Variants in DNAI4 observed in about 807,000 individuals in gnomAD.
DNAI4 encodes the protein dynein axonemal intermediate chain 4.
A neutral mutation model predicts 105.8 loss-of-function variants in DNAI4; 85 were observed. The ratio of observed to expected loss-of-function variants is 0.80; its 90% confidence interval spans 0.67 to 0.96. The LOEUF (loss-of-function observed/expected upper bound fraction) is 0.96. DNAI4 is among the 40% of genes least tolerant of loss of function. The probability of loss-of-function intolerance (pLI) is 0.00; values close to 1 mark genes in which losing one functional copy is unlikely to be tolerated. For missense variants in DNAI4, 1,014 were observed against 1,005.6 expected, an observed-to-expected ratio of 1.01 and a Z score of -0.11; for synonymous variants, 352 against 331.5, an observed-to-expected ratio of 1.06 and a Z score of -0.67.
intron 4 of DNAI4, among the ~76,000 whole-genome samples, chr1:66,880,827 G>C (rs1368994515): frequency 6.6e-6 from 1 of 152,204 alleles, no homozygotes; most frequent in Non-Finnish European, 1.5e-5. Flanking sequence ...GAGCATGTCA[G>C]AGGTCTTCAT....
intron 15 of DNAI4, among the ~76,000 whole-genome samples, chr1:66,823,448 G>A (rs1451838995): frequency 2.0e-5 from 3 of 151,224 alleles, no homozygotes; most frequent in African/African-American, 7.3e-5. Context: ...TGGGTCAAAT[G>A]GTATTTCTAG....
chr1:66,902,908 G>GT (rs1233129619), intron 2 of DNAI4, among the ~76,000 whole-genome samples: 1 of 152,158 alleles, frequency 6.6e-6, no homozygotes, highest in African/African-American at 2.4e-5. Flanking sequence ...CCGTATGTTT[G>GT]TTTTTATTCC....
intron 2 of DNAI4, among the ~76,000 whole-genome samples, chr1:66,899,657 G>A (rs1648641708): frequency 6.6e-6 from 1 of 152,094 alleles, no homozygotes; most frequent in Non-Finnish European, 1.5e-5. Flanking sequence ...CCAAATCCAA[G>A]GTCTTACCCC....
intron 4 of DNAI4, among the ~76,000 whole-genome samples, chr1:66,889,780 A>G (rs1228242600): frequency 2.0e-5 from 3 of 152,158 alleles, no homozygotes; most frequent in Non-Finnish European, 4.4e-5. Context: ...CTTCATTTTC[A>G]TAATCCCTTC....
intron 2 of DNAI4, among the ~76,000 whole-genome samples, chr1:66,899,209 T>C (rs1648595062): frequency 6.6e-6 from 1 of 152,226 alleles, no homozygotes; most frequent in Non-Finnish European, 1.5e-5. Context: ...GGCTAATTTA[T>C]ATTCCCACAA....
chr1:66,836,308 GAAAGAAAGAAA>G (rs1646022079), intron 10 of DNAI4, among the ~76,000 whole-genome samples: 1 of 149,580 alleles, frequency 6.7e-6, no homozygotes, highest in Non-Finnish European at 1.5e-5. Context: ...AAGAAAGAAA[GAAAGAAAGAAA>G]GAAAGAAGGA....
intron 2 of DNAI4, among the ~76,000 whole-genome samples, chr1:66,896,360 A>G (rs1648339517): frequency 6.6e-6 from 1 of 152,240 alleles, no homozygotes; most frequent in Admixed American, 6.5e-5. Context: ...TTTAACATGT[A>G]CAATTCAATA....
At chr1:66,892,161 CT>C (rs546326660) in intron 3 of DNAI4, among the ~76,000 whole-genome samples, 1 of 152,142 alleles carries the variant, frequency 6.6e-6, no homozygotes. Flanking sequence ...TACATACTTT[CT>C]TTTTTGTTCC....
intron 2 of DNAI4, among the ~76,000 whole-genome samples, chr1:66,901,374 A>G (rs988835642): frequency 2.0e-5 from 3 of 152,276 alleles, no homozygotes; most frequent in Non-Finnish European, 4.4e-5. Flanking sequence ...GCTGTATCCC[A>G]TAAGCTTTGG....
intron 1 of DNAI4, among the ~76,000 whole-genome samples, chr1:66,924,016 G>A (rs1461536108): frequency 1.3e-5 from 2 of 152,148 alleles, no homozygotes; most frequent in East Asian, 1.9e-4. Flanking sequence ...AGCAATGTTC[G>A]GCCTGGTGGC....
At chr1:66,915,867 A>G (rs1460388881) in intron 1 of DNAI4, among the ~76,000 whole-genome samples, 2 of 152,162 alleles carry the variant, frequency 1.3e-5, no homozygotes, top group East Asian at 3.8e-4. Flanking sequence ...TCACGTCTGT[A>G]ATCCAACACT....
At chr1:66,921,895 ATT>A (rs71058482) in intron 1 of DNAI4, among the ~76,000 whole-genome samples, 15,485 of 124,630 alleles carry the variant, frequency 0.12, 1,810 homozygotes, top group African/African-American at 0.35. Flanking sequence ...ACTTGTAGAA[ATT>A]TTTTTTTTTT....
At chr1:66,884,260 G>A (rs1647143995) in intron 4 of DNAI4, among the ~76,000 whole-genome samples, 1 of 152,044 alleles carries the variant, frequency 6.6e-6, no homozygotes, top group African/African-American at 2.4e-5. Context: ...TCCATAACTT[G>A]GCTACTGTGA....
intron 1 of DNAI4, among the ~76,000 whole-genome samples, chr1:66,923,995 C>T (rs1283957307): frequency 5.9e-5 from 9 of 152,304 alleles, no homozygotes; most frequent in Admixed American, 5.2e-4. Context: ...AATACCTCTA[C>T]TACAGAGCAC....
chr1:66,822,317 T>C (rs1170520580), intron 16 of DNAI4, 44 bp downstream of exon 16: 1 of 1,512,018 alleles, frequency 6.6e-7, no homozygotes, highest in East Asian at 2.3e-5. Context: ...TATAACTGAA[T>C]AGACTAATAA....
At chr1:66,886,267 C>A (rs1376756994) in intron 4 of DNAI4, among the ~76,000 whole-genome samples, 1 of 152,176 alleles carries the variant, frequency 6.6e-6, no homozygotes, top group Non-Finnish European at 1.5e-5. Flanking sequence ...GATCTCTTAA[C>A]ATATTAATCA....
rs1292199371 is a variant in DNAI4, at chr1:66,891,276, T to C, written c.531-10A>G. 4 of 1,587,446 alleles carry C rather than the reference T, an allele frequency of 2.5e-6. No individual in the cohort carries two copies. The highest frequency in any genetic ancestry group is 3.5e-6 in the Non-Finnish European group (4 of 1,157,500). ...GCTTCCTAAAACTGACCTTTAATAA[T>C]GAATAACAAAATTACTCATTTATTT... On this transcript the variant is annotated splice_polypyrimidine_tract_variant and intron_variant, in intron 3 of 16. Coordinates refer to ENST00000371026, the MANE Select transcript of DNAI4 (RefSeq NM_024763.5).
chr1:66,847,974 G>A (rs1185988429), intron 7 of DNAI4: 5 of 361,550 alleles, frequency 1.4e-5, no homozygotes, highest in Non-Finnish European at 2.5e-5. Flanking sequence ...AAGATGATCA[G>A]CCTTCAGAAA....
At chr1:66,903,356 A>G (rs1425118456) in intron 2 of DNAI4, among the ~76,000 whole-genome samples, 1 of 152,188 alleles carries the variant, frequency 6.6e-6, no homozygotes, top group African/African-American at 2.4e-5. Flanking sequence ...TAGAAATGCA[A>G]CTAATTTGTG....
Sources: allele counts gnomAD v4.1 joint callset (sites outside exome capture counted in the v4.1 genomes callset), GRCh38; gene constraint gnomAD v4.1.1; transcripts MANE v1.5; gene names NCBI Gene and HGNC (gene_info 2026-07-23, HGNC 2026-07-21).